Variants in CACNA2D1 observed in about 807,000 individuals in gnomAD.
CACNA2D1 encodes voltage-dependent calcium channel subunit alpha-2/delta-1.
CACNA2D1 carries 53 observed loss-of-function variants against 171.5 expected under a neutral mutation model. The observed-to-expected ratio is 0.31, with a 90% CI of 0.25 to 0.39. The LOEUF (loss-of-function observed/expected upper bound fraction) is 0.39, where lower values mean the gene tolerates loss of function less well. Ranked by LOEUF, CACNA2D1 falls within the 10% of genes least tolerant of loss-of-function variation. The probability of loss-of-function intolerance (pLI) is 1.00; values close to 1 mark genes in which losing one functional copy is unlikely to be tolerated. For synonymous variants in CACNA2D1, 442 were observed against 443.1 expected (o/e 1.00, Z 0.03); for missense variants, 903 against 1,299.8 (o/e 0.69, Z 4.69).
chr7:82,338,928 C>A (rs188854198), intron 2 of CACNA2D1, among the ~76,000 whole-genome samples: 287 of 152,210 alleles, frequency 1.9e-3, no homozygotes, highest in African/African-American at 6.5e-3. Flanking sequence ...GGGAAGCAGA[C>A]ACCCAGCTGA....
At chr7:81,955,988 T>A (rs1320546551) in intron 38 of CACNA2D1, among the ~76,000 whole-genome samples, 14 of 116,670 alleles carry the variant, frequency 1.2e-4, no homozygotes, top group Middle Eastern at 4.5e-3. Context: ...ATATTTTTTT[T>A]TTTTTTTTTT....
At chr7:82,019,817 A>T (rs1332126736) in intron 12 of CACNA2D1, among the ~76,000 whole-genome samples, 1 of 152,216 alleles carries the variant, frequency 6.6e-6, no homozygotes, top group Non-Finnish European at 1.5e-5. Context: ...CTATGAAGAA[A>T]GCCAATAAAA....
At chr7:82,189,383 T>G (rs1007623912) in intron 3 of CACNA2D1, among the ~76,000 whole-genome samples, 4 of 152,068 alleles carry the variant, frequency 2.6e-5, no homozygotes, top group African/African-American at 9.6e-5. Flanking sequence ...ATTTAGCTGA[T>G]AGTGCTCTAA....
intron 3 of CACNA2D1, among the ~76,000 whole-genome samples, chr7:82,223,035 C>G (rs1319539399): frequency 1.3e-5 from 2 of 151,724 alleles, no homozygotes; most frequent in African/African-American, 4.8e-5. Flanking sequence ...CCCTCAGTAA[C>G]TGGGATTACA....
At chr7:82,132,957 A>G (rs936431729) in intron 5 of CACNA2D1, among the ~76,000 whole-genome samples, 2 of 152,210 alleles carry the variant, frequency 1.3e-5, no homozygotes, top group African/African-American at 4.8e-5. Flanking sequence ...TTCACATGAA[A>G]TATTCCAAAT....
intron 16 of CACNA2D1, among the ~76,000 whole-genome samples, chr7:82,006,794 C>A (rs748717999): frequency 6.6e-5 from 10 of 151,834 alleles, no homozygotes; most frequent in Non-Finnish European, 1.0e-4. Flanking sequence ...TAATAGGCCC[C>A]CAAAGAGAAA....
chr7:82,381,641 G>A (rs538177069), intron 1 of CACNA2D1, among the ~76,000 whole-genome samples: 5 of 152,240 alleles, frequency 3.3e-5, no homozygotes, highest in South Asian at 4.1e-4. Flanking sequence ...AATAACTCAA[G>A]TATTGAAAAT....
intron 5 of CACNA2D1, among the ~76,000 whole-genome samples, chr7:82,134,415 G>T (rs1286974796): frequency 6.6e-6 from 1 of 152,130 alleles, no homozygotes; most frequent in African/African-American, 2.4e-5. Flanking sequence ...TTTAGGGCTG[G>T]ATTAGGGCAT....
chr7:82,278,244 A>G (rs1029821448), intron 3 of CACNA2D1, among the ~76,000 whole-genome samples: 2 of 152,158 alleles, frequency 1.3e-5, no homozygotes, highest in African/African-American at 4.8e-5. Context: ...TATTTGAAAC[A>G]TCACTGATTA....
intron 6 of CACNA2D1, among the ~76,000 whole-genome samples, chr7:82,106,671 T>C (rs1393813038): frequency 2.0e-5 from 3 of 152,178 alleles, no homozygotes; most frequent in Non-Finnish European, 2.9e-5. Flanking sequence ...TTAAACATTG[T>C]GCCTAGGTAA....
intron 3 of CACNA2D1, among the ~76,000 whole-genome samples, chr7:82,217,848 C>A (rs974569027): frequency 9.6e-4 from 146 of 151,382 alleles, no homozygotes; most frequent in African/African-American, 3.3e-3. Context: ...GACCTACCTA[C>A]ATGTACTGAA....
chr7:82,109,199 T>C (rs1012518752), intron 6 of CACNA2D1, among the ~76,000 whole-genome samples: 33 of 152,066 alleles, frequency 2.2e-4, no homozygotes, highest in Admixed American at 1.3e-4. Context: ...TTATATATAA[T>C]GATGTACTTT....
intron 3 of CACNA2D1, among the ~76,000 whole-genome samples, chr7:82,202,517 G>A (rs1472232480): frequency 6.6e-6 from 1 of 152,174 alleles, no homozygotes; most frequent in African/African-American, 2.4e-5. Flanking sequence ...CCCCCGTGAG[G>A]ATGGAGAAGG....
intron 1 of CACNA2D1, among the ~76,000 whole-genome samples, chr7:82,403,422 G>T (rs1371188942): frequency 6.6e-6 from 1 of 152,216 alleles, no homozygotes; most frequent in Admixed American, 6.5e-5. Flanking sequence ...AAGTAAGGTG[G>T]ACTTTCAAGT....
intron 7 of CACNA2D1, among the ~76,000 whole-genome samples, chr7:82,068,151 G>A (rs966886360): frequency 2.0e-5 from 3 of 152,142 alleles, no homozygotes; most frequent in Non-Finnish European, 4.4e-5. Context: ...CCAGAGCTCA[G>A]CTCCTACAGT....
intron 3 of CACNA2D1, among the ~76,000 whole-genome samples, chr7:82,181,301 C>T (rs1169831220): frequency 6.6e-6 from 1 of 152,108 alleles, no homozygotes; most frequent in South Asian, 2.1e-4. Flanking sequence ...TCTCTGGCTT[C>T]AGACTCTCAC....
chr7:82,085,223 G>GAAAAT (rs571956653), intron 6 of CACNA2D1, among the ~76,000 whole-genome samples: 1 of 152,144 alleles, frequency 6.6e-6, no homozygotes, highest in Non-Finnish European at 1.5e-5. Flanking sequence ...CTAATCCTGT[G>GAAAAT]AAAATGTTTA....
chr7:82,172,538 G>C (rs973631645), intron 3 of CACNA2D1, among the ~76,000 whole-genome samples: 4 of 150,044 alleles, frequency 2.7e-5, no homozygotes, highest in Non-Finnish European at 4.4e-5. Flanking sequence ...CTGCAGCCTT[G>C]ACCTCCTGGG....
intron 26 of CACNA2D1, chr7:81,970,964 G>A: frequency 1.9e-6 from 1 of 516,102 alleles, no homozygotes; most frequent in Non-Finnish European, 3.5e-6. Context: ...TGAACATGGA[G>A]TATGAATTGA....
Sources: gnomAD v4.1 joint callset for allele counts (sites outside exome capture counted in the v4.1 genomes callset) on GRCh38, gnomAD v4.1.1 for gene constraint, MANE v1.5 for transcripts, NCBI Gene and HGNC (gene_info 2026-07-23, HGNC 2026-07-21) for gene names.